The following CHRNA3 variants were observed in gnomAD, a reference collection of about 807,000 sequenced individuals.
The protein encoded by CHRNA3 is neuronal acetylcholine receptor subunit alpha-3.
In CHRNA3, 34 loss-of-function variants were observed where a neutral mutation model predicts 41.9. The observed-to-expected ratio is 0.81, with a 90% CI of 0.62 to 1.08. The LOEUF (loss-of-function observed/expected upper bound fraction) is 1.08, where lower values mean the gene tolerates loss of function less well. Among genes scored for constraint, CHRNA3 ranks in the 50% least tolerant of loss-of-function variants. The probability of loss-of-function intolerance (pLI) is 0.00; values close to 1 mark genes in which losing one functional copy is unlikely to be tolerated. For synonymous variants in CHRNA3, 281 were observed against 265.2 expected, an observed-to-expected ratio of 1.06 and a Z score of -0.58; for missense variants, 542 against 638.3, an observed-to-expected ratio of 0.85 and a Z score of 1.63.
intron 4 of CHRNA3, among the ~76,000 whole-genome samples, chr15:78,608,077 G>A (rs776417213): frequency 1.1e-4 from 16 of 152,238 alleles, no homozygotes; most frequent in Admixed American, 9.2e-4. Flanking sequence ...CGGGAAGCTC[G>A]AACTGGATGG....
chr15:78,614,618 G>T (rs1333424883), intron 4 of CHRNA3, among the ~76,000 whole-genome samples: 1 of 152,136 alleles, frequency 6.6e-6, no homozygotes, highest in East Asian at 1.9e-4. Context: ...ACATTATTTT[G>T]TACTAATATG....
Position 78,616,896 on chromosome 15 carries a change from T to C in CHRNA3, c.377+128A>G. The C allele has an allele frequency of 6.3e-6, 4 of 632,330 alleles. 1 individual carries two copies. The South Asian group carries it at 7.6e-5, about 12-fold the overall frequency. The allele number at this position is 632,330 out of a possible 1,614,324, so 39.2% of individuals were successfully genotyped here. On this transcript the variant is annotated intron_variant, in intron 4 of 5. Transcript: ENST00000326828. The stretch of plus-strand genomic sequence containing the variant: ...GTAGTAGTTGCTGATTACATACCTA[T>C]GGACTGAACAAATGAATGCAGCCTT...
Position 78,596,005 on chromosome 15 carries a change from T to G in CHRNA3, c.*599A>C. The G allele has an allele frequency of 1.1e-6, 1 of 941,884 alleles. No individual in the cohort carries two copies. Among genetic ancestry groups the G allele is most frequent in the Non-Finnish European group, 1.3e-6 (1 of 790,736 alleles). The allele number at this position is 941,884 out of a possible 1,614,324, so 58.3% of individuals were successfully genotyped here. On this transcript the variant is annotated 3_prime_UTR_variant, in exon 6 of 6. Transcript: ENST00000326828. ...TGTTGTTTATAATCCACCCAGTTTA[T>G]GGTGTACTAAGACAGTTATATTAAC...
intron 3 of CHRNA3, among the ~76,000 whole-genome samples, chr15:78,617,565 T>C (rs574536722): frequency 6.6e-6 from 1 of 152,152 alleles, no homozygotes; most frequent in Admixed American, 6.5e-5. Flanking sequence ...GACTGGACTC[T>C]GAAAGATTCC....
chr15:78,596,113 T>C lies in CHRNA3; in HGVS notation c.*491A>G. The C allele has an allele frequency of 1.0e-6, 1 of 985,440 alleles. No homozygotes were observed. Among genetic ancestry groups the C allele is most frequent in the Non-Finnish European group, 1.2e-6 (1 of 829,916 alleles). 61.0% of individuals were successfully genotyped at this position (985,440 alleles called of 1,614,324 possible). ...GTTGAAGCTCTCTGAAATGGAGGCATAGCCCTTTAGACCCAGTAAAGAACG... is the reference window on the plus strand; with the variant it reads ...GTTGAAGCTCTCTGAAATGGAGGCACAGCCCTTTAGACCCAGTAAAGAACG... On this transcript the variant is annotated 3_prime_UTR_variant, in exon 6 of 6. Transcript: ENST00000326828.
chr15:78,605,704 GAC>G (rs1406888558), intron 4 of CHRNA3, among the ~76,000 whole-genome samples: 3 of 152,146 alleles, frequency 2.0e-5, no homozygotes, highest in Non-Finnish European at 4.4e-5. Flanking sequence ...CTTTCAGAAG[GAC>G]AGAGACCCAC....
intron 3 of CHRNA3, 69 bp downstream of exon 3, chr15:78,618,548 T>C: frequency 6.3e-7 from 1 of 1,579,776 alleles, no homozygotes; most frequent in African/African-American, 1.3e-5. Context: ...TAGGCCTTTC[T>C]TGGTTCACCT....
At chr15:78,620,458 C>T (rs901225407) in intron 1 of CHRNA3, among the ~76,000 whole-genome samples, 3 of 150,988 alleles carry the variant, frequency 2.0e-5, no homozygotes, top group Admixed American at 2.0e-4. Flanking sequence ...TCCCCATCAC[C>T]CGGCGCGTAC....
downstream of CHRNA3, chr15:78,593,081 T>G: frequency 1.3e-6 from 2 of 1,597,470 alleles, no homozygotes; most frequent in Non-Finnish European, 1.7e-6. Flanking sequence ...TTTTTATTTT[T>G]TTCCTAACAG....
chr15:78,610,884 G>A (rs2053369637), intron 4 of CHRNA3, among the ~76,000 whole-genome samples: 1 of 152,050 alleles, frequency 6.6e-6, no homozygotes, highest in Admixed American at 6.6e-5. Context: ...ATTGATAAAG[G>A]GGATATCACC....
At chr15:78,615,195 T>C (rs2053442351) in intron 4 of CHRNA3, among the ~76,000 whole-genome samples, 1 of 152,188 alleles carries the variant, frequency 6.6e-6, no homozygotes, top group African/African-American at 2.4e-5. Context: ...ATGGGAACCT[T>C]GCTTCACATA....
Position 78,596,389 on chromosome 15 carries a change from T to A in CHRNA3, c.*215A>T. 8.2e-7 allele frequency: 1 copy of A among 1,218,966 alleles called. No homozygotes were observed. Among genetic ancestry groups the A allele is most frequent in the African/African-American group, 1.6e-5 (1 of 64,110 alleles). 75.5% of individuals were successfully genotyped at this position (1,218,966 alleles called of 1,614,324 possible). A position where few individuals can be genotyped will look rare whatever the true frequency, so the allele number is the denominator to read the frequency against. ...ATCACATTTTGACATCTCTTTACCA[T>A]ACCAAAAAGGCTAGTTAAATGTTCA... On this transcript the variant is annotated 3_prime_UTR_variant, in exon 6 of 6. Coordinates refer to ENST00000326828, the MANE Select transcript of CHRNA3 (RefSeq NM_000743.5).
At position 78,600,335 on chromosome 15, in the gene CHRNA3, A is replaced by G. The variant is rs367784370; in HGVS notation, c.1389+918T>C. ...AGCCATCCACCTGCCTCAGCCTCCT[A>G]AAGTGCTAGGATTACAGGCGTGAGC... On this transcript the variant is annotated intron_variant, in intron 5 of 5. Transcript: ENST00000326828. Among the ~76,000 whole-genome samples, 64 of 152,256 alleles carry G rather than the reference A, an allele frequency of 4.2e-4. No individual in the cohort carries two copies. In the East Asian group the frequency reaches 0.011, roughly 27 times the overall value.
chr15:78,593,260 C>T (rs1436091688), downstream of CHRNA3: 2 of 1,605,368 alleles, frequency 1.2e-6, no homozygotes, highest in Non-Finnish European at 1.7e-6. Context: ...GTGAAGCCTC[C>T]CAAGGGACTG....
Position 78,595,917 on chromosome 15 carries a change from C to G in CHRNA3, c.*687G>C, listed in dbSNP as rs560568806. 1.1e-5 allele frequency: 3 copies of G among 285,030 alleles called. No homozygotes were observed. The East Asian group carries it at 5.3e-4, about 51-fold the overall frequency. The allele number at this position is 285,030 out of a possible 1,614,324, so 17.7% of individuals were successfully genotyped here. ...ACCCTTTGAGGAAGAGGACCCTCAC[C>G]AGACACCAAATTTGCTGGTGCCTTG... On this transcript the variant is annotated 3_prime_UTR_variant, in exon 6 of 6. Coordinates refer to ENST00000326828, the MANE Select transcript of CHRNA3 (RefSeq NM_000743.5).
chr15:78,593,278 C>A (rs965993931), downstream of CHRNA3: 1 of 1,570,764 alleles, frequency 6.4e-7, no homozygotes, highest in Non-Finnish European at 8.6e-7. Flanking sequence ...CTGAAGTATA[C>A]ATTTAGTTAA....
rs201438830 is a variant in CHRNA3 at position 78,596,644 on chromosome 15, C to G, written c.1478G>C (p.Gly493Ala). 5.6e-6 allele frequency: 9 copies of G among 1,611,408 alleles called. No homozygotes were observed. The African/African-American group carries it at 6.7e-5, about 12-fold the overall frequency. ...GGCCATCAGGGGTTGCAGAAACAAT[C>G]CTGCTGTCCCTAGAATGCACACCAG... is the stretch of plus-strand genomic sequence containing the variant. ...FTLVCILGTAGLFLQPLMARE... is the reference protein window; with the variant it reads ...FTLVCILGTAALFLQPLMARE... The change falls in exon 6 of 6, where the codon GGA becomes GCA. Residue 493 changes from glycine (G) to alanine (A), a missense_variant. Transcript: ENST00000326828.
chr15:78,601,640 C>T lies in CHRNA3; in HGVS notation c.1002G>A (p.Thr334=), dbSNP rs755494932. Residue 334 remains threonine, a synonymous_variant, in exon 5 of 6, where the codon ACG becomes ACA. Coordinates refer to ENST00000326828, the MANE Select transcript of CHRNA3 (RefSeq NM_000743.5). ...TCACCCATGAGGGCATTGTGTGTGT[C>T]GTCGGGGTTCTGTAGTGCACGTTGA... ...FVLNVHYRTP[T]THTMPSWVKT... 3.1e-6 allele frequency: 5 copies of T among 1,613,938 alleles called. No homozygotes were observed. The highest frequency in any genetic ancestry group is 2.2e-5 in the East Asian group (1 of 44,892).
intron 4 of CHRNA3, among the ~76,000 whole-genome samples, chr15:78,606,952 G>A (rs2053298770): frequency 6.6e-6 from 1 of 152,118 alleles, no homozygotes; most frequent in South Asian, 2.1e-4. Context: ...AGCAGTCTGG[G>A]TGTGATGGCT....
Sources: allele counts gnomAD v4.1 joint callset (sites outside exome capture counted in the v4.1 genomes callset), GRCh38; gene constraint gnomAD v4.1.1; transcripts MANE v1.5; gene names NCBI Gene and HGNC (gene_info 2026-07-23, HGNC 2026-07-21).